Variants in CNBD1 observed in about 807,000 individuals in gnomAD.
CNBD1 encodes cyclic nucleotide binding domain containing 1.
A neutral mutation model predicts 54.4 loss-of-function variants in CNBD1; 71 were observed. The ratio of observed to expected loss-of-function variants is 1.30; its 90% confidence interval spans 1.08 to 1.59. The LOEUF (loss-of-function observed/expected upper bound fraction) is 1.59, where lower values mean the gene tolerates loss of function less well. CNBD1 is among the 40% of genes most tolerant of loss of function. The pLI, the probability that CNBD1 is intolerant of heterozygous loss-of-function variation, is 0.00. For missense variants in CNBD1, 659 were observed against 518.0 expected (o/e 1.27, Z -2.64); for synonymous variants, 182 against 170.7 (o/e 1.07, Z -0.51).
intron 5 of CNBD1, among the ~76,000 whole-genome samples, chr8:87,213,565 C>T (rs1814147066): frequency 6.6e-6 from 1 of 152,018 alleles, no homozygotes; most frequent in Admixed American, 6.6e-5. Context: ...ACTACCATGA[C>T]AACAGTATGG....
intron 4 of CNBD1, among the ~76,000 whole-genome samples, chr8:87,094,025 G>T (rs1479929205): frequency 1.3e-5 from 2 of 152,076 alleles, no homozygotes; most frequent in Non-Finnish European, 2.9e-5. Context: ...TGCACTGTTG[G>T]TTCCATAGCT....
At position 87,189,751 on chromosome 8, in the gene CNBD1, A is replaced by G. The variant is rs1586317731; in HGVS notation, c.432-16242A>G. 2.0e-5 allele frequency among the ~76,000 whole-genome samples: 3 copies of G among 152,304 alleles called. No individual in the cohort carries two copies. The East Asian group carries it at 5.8e-4, about 29-fold the overall frequency. Reference sequence around the variant, plus strand: ...AACCCAATTTCTGGAAAAACTGATAATGATCAGCATTTGTCATATGAATCT... The same window carrying G: ...AACCCAATTTCTGGAAAAACTGATAGTGATCAGCATTTGTCATATGAATCT... On this transcript the variant is annotated intron_variant, in intron 4 of 10. Transcript: ENST00000518476.
chr8:86,965,869 A>T (rs931491323), intron 4 of CNBD1, among the ~76,000 whole-genome samples: 2 of 152,048 alleles, frequency 1.3e-5, no homozygotes, highest in Non-Finnish European at 1.5e-5. Flanking sequence ...TTCAGTTCTC[A>T]ACAGAGAGGA....
At chr8:87,203,911 T>A (rs1813914680) in intron 4 of CNBD1, among the ~76,000 whole-genome samples, 1 of 152,168 alleles carries the variant, frequency 6.6e-6, no homozygotes, top group Non-Finnish European at 1.5e-5. Flanking sequence ...AGAGCAACAT[T>A]GCTGTTTTGC....
intron 4 of CNBD1, among the ~76,000 whole-genome samples, chr8:87,189,657 G>T (rs573053286): frequency 2.8e-4 from 42 of 152,258 alleles, no homozygotes; most frequent in African/African-American, 1.0e-3. Flanking sequence ...ATTTTCAATG[G>T]TGTATAGGAA....
intron 4 of CNBD1, among the ~76,000 whole-genome samples, chr8:87,140,273 C>G (rs1812345824): frequency 6.6e-6 from 1 of 152,050 alleles, no homozygotes; most frequent in Admixed American, 6.6e-5. Context: ...GCTCACCTTA[C>G]TGAAATAACA....
chr8:87,224,792 A>G (rs1814439132), intron 5 of CNBD1, among the ~76,000 whole-genome samples: 1 of 150,790 alleles, frequency 6.6e-6, no homozygotes, highest in Non-Finnish European at 1.5e-5. Context: ...AGTCATTGGT[A>G]GCTTGATGGG....
At position 87,347,616 on chromosome 8, in the gene CNBD1, T is replaced by C. The variant is rs186032679; in HGVS notation, c.1043-4069T>C. On this transcript the variant is annotated intron_variant, in intron 8 of 10. Transcript: ENST00000518476. ...GTATAGAGTAGTCACGGTGATCTCATTGAGAATGTGAGATTTGGGCAAAGA... is the reference window on the plus strand; with the variant it reads ...GTATAGAGTAGTCACGGTGATCTCACTGAGAATGTGAGATTTGGGCAAAGA... Among the ~76,000 whole-genome samples, 267 of 152,284 alleles carry C rather than the reference T, an allele frequency of 1.8e-3. 1 individual carries two copies. The highest frequency in any genetic ancestry group is 6.2e-3 in the African/African-American group (258 of 41,572).
chr8:87,369,834 T>C (rs111856017), intron 10 of CNBD1, among the ~76,000 whole-genome samples: 2,283 of 152,144 alleles, frequency 0.015, 59 homozygotes, highest in African/African-American at 0.049. Flanking sequence ...CATTAACTAG[T>C]CATTTAGCAT....
At chr8:87,155,192 ATTGTT>A (rs1812688306) in intron 4 of CNBD1, among the ~76,000 whole-genome samples, 1 of 152,140 alleles carries the variant, frequency 6.6e-6, no homozygotes, top group Non-Finnish European at 1.5e-5. Context: ...TTCCTCATTC[ATTGTT>A]TTATTTCTCA....
At chr8:87,061,722 T>C (rs931650621) in intron 4 of CNBD1, among the ~76,000 whole-genome samples, 3 of 152,190 alleles carry the variant, frequency 2.0e-5, no homozygotes, top group African/African-American at 4.8e-5. Flanking sequence ...TCAAAGAATA[T>C]GAAAATTGTG....
At chr8:87,153,581 T>A (rs533426551) in intron 4 of CNBD1, among the ~76,000 whole-genome samples, 1 of 152,258 alleles carries the variant, frequency 6.6e-6, no homozygotes, top group South Asian at 2.1e-4. Context: ...TAATGGGACG[T>A]TGATTTAATA....
intron 4 of CNBD1, among the ~76,000 whole-genome samples, chr8:87,084,185 A>G (rs1811053946): frequency 6.6e-6 from 1 of 152,208 alleles, no homozygotes; most frequent in Non-Finnish European, 1.5e-5. Flanking sequence ...AAATACTTTA[A>G]TATTATTTTT....
In CNBD1 at chr8:86,884,773, T is replaced by C. The variant is rs543545075; in HGVS notation, c.89-2769T>C. ...TACAAAAGTTTGTTGCCAGTATTTC[T>C]GTTGCTATGGCTGCTGAACTGCTTC... On this transcript the variant is annotated intron_variant, in intron 1 of 10. Transcript: ENST00000518476. Among the ~76,000 whole-genome samples the C allele has an allele frequency of 1.4e-4, 21 of 152,348 alleles. 1 individual carries two copies. The highest frequency in any genetic ancestry group is 7.8e-4 in the Admixed American group (12 of 15,300).
At chr8:87,231,092 A>G (rs927982759) in intron 5 of CNBD1, among the ~76,000 whole-genome samples, 1 of 152,168 alleles carries the variant, frequency 6.6e-6, no homozygotes, top group Non-Finnish European at 1.5e-5. Flanking sequence ...CACATAAGTC[A>G]TTCTCTTATG....
intron 4 of CNBD1, among the ~76,000 whole-genome samples, chr8:86,949,764 G>A (rs1563833417): frequency 6.6e-6 from 1 of 151,726 alleles, no homozygotes; most frequent in African/African-American, 2.4e-5. Flanking sequence ...TGTTAACAGT[G>A]GTGAAAGTGG....
chr8:86,922,727 G>A (rs747811761), intron 3 of CNBD1, among the ~76,000 whole-genome samples: 16 of 152,104 alleles, frequency 1.1e-4, no homozygotes, highest in African/African-American at 2.4e-4. Context: ...AGGTACTTTC[G>A]TTTTATGCTT....
chr8:87,365,939 G>A (rs1365551030), intron 10 of CNBD1, among the ~76,000 whole-genome samples: 5 of 151,964 alleles, frequency 3.3e-5, no homozygotes, highest in South Asian at 4.1e-4. Flanking sequence ...AAAACTCAAT[G>A]TAATGATTTT....
In CNBD1 at chr8:87,284,827, T is replaced by A. The variant is rs753185668; in HGVS notation, c.909+12T>A. On this transcript the variant is annotated intron_variant, in intron 7 of 10. Coordinates refer to ENST00000518476, the MANE Select transcript of CNBD1 (RefSeq NM_173538.3). Reference sequence around the variant, plus strand: ...CAAAGATAAAGGAGGTAAGATGATATCTAATATTTTATATAAACAAAAATT... The same window carrying A: ...CAAAGATAAAGGAGGTAAGATGATAACTAATATTTTATATAAACAAAAATT... The A allele has an allele frequency of 1.3e-6, 2 of 1,541,234 alleles. No homozygotes were observed. The highest frequency in any genetic ancestry group is 2.4e-5 in the South Asian group (2 of 82,016).
Sources: allele counts gnomAD v4.1 joint callset (sites outside exome capture counted in the v4.1 genomes callset), GRCh38; gene constraint gnomAD v4.1.1; transcripts MANE v1.5; gene names NCBI Gene and HGNC (gene_info 2026-07-23, HGNC 2026-07-21).